The following KDM4C variants were observed in gnomAD, a reference collection of about 807,000 sequenced individuals.
The protein encoded by KDM4C is lysine demethylase 4C.
KDM4C carries 81 observed loss-of-function variants against 129.3 expected under a neutral mutation model. That is an observed-to-expected ratio of 0.63 (90% CI 0.52 to 0.75). KDM4C has a LOEUF of 0.75. Among genes scored for constraint, KDM4C ranks in the 30% least tolerant of loss-of-function variants. The pLI is 0.00. For synonymous variants in KDM4C, 573 were observed against 456.1 expected (o/e 1.26, Z -3.26); for missense variants, 1,457 against 1,304.0 (o/e 1.12, Z -1.81).
intron 8 of KDM4C, among the ~76,000 whole-genome samples, chr9:6,932,266 C>A (rs946923): frequency 6.6e-6 from 1 of 152,176 alleles, no homozygotes. Flanking sequence ...AGAGGGAGGA[C>A]TGTGTGTAGC....
upstream of KDM4C, chr9:6,757,620 G>A (rs912783224): frequency 1.3e-5 from 13 of 985,352 alleles, no homozygotes; most frequent in South Asian, 4.7e-5. Context: ...ACGCCACGCT[G>A]ACGTCCGCGC....
chr9:6,778,489 C>T (rs946418197), intron 1 of KDM4C, among the ~76,000 whole-genome samples: 5 of 151,078 alleles, frequency 3.3e-5, no homozygotes, highest in Admixed American at 2.0e-4. Flanking sequence ...TTCCAAGGCC[C>T]GGTGCGGTAG....
intron 4 of KDM4C, chr9:6,834,793 G>C (rs747252167): frequency 7.4e-6 from 10 of 1,343,390 alleles, no homozygotes; most frequent in Non-Finnish European, 1.1e-5. Context: ...TGAACCCCAA[G>C]GCCAGCCGCG....
chr9:6,919,247 T>TTTCTTTCTTTC lies in KDM4C; in HGVS notation c.921+26017_921+26018insCTTTCTTTCTT. Among the ~76,000 whole-genome samples the TTTCTTTCTTTC allele has an allele frequency of 5.4e-4, 57 of 106,362 alleles. 2 individuals carry two copies. The highest frequency in any genetic ancestry group is 1.6e-3 in the African/African-American group (43 of 27,002). 69.8% of individuals were successfully genotyped at this position (106,362 alleles called of 152,430 possible). On this transcript the variant is annotated intron_variant, in intron 8 of 21. Transcript: ENST00000381309. The stretch of plus-strand genomic sequence containing the variant: ...CCTTCTTTCTTTCTTTCTTTCTTTC[T>TTTCTTTCTTTC]TTTCTTTCTTTCTTTCTTTCTTTCT...
At chr9:7,012,562 T>C (rs982360888) in intron 13 of KDM4C, among the ~76,000 whole-genome samples, 11 of 152,282 alleles carry the variant, frequency 7.2e-5, no homozygotes, top group African/African-American at 2.6e-4. Context: ...CACCTTCCCA[T>C]GTGGAACATG....
chr9:6,862,955 T>C (rs1033889232), intron 5 of KDM4C, among the ~76,000 whole-genome samples: 1 of 152,244 alleles, frequency 6.6e-6, no homozygotes, highest in Non-Finnish European at 1.5e-5. Flanking sequence ...TAAGCCACTT[T>C]ATCTTATTCA....
At chr9:6,999,846 G>T (rs10122718) in intron 12 of KDM4C, among the ~76,000 whole-genome samples, 38,058 of 151,920 alleles carry the variant, frequency 0.25, 5,257 homozygotes, top group South Asian at 0.49. Flanking sequence ...TAAATGCTGT[G>T]TGATGGCTGC....
At chr9:7,121,974 T>C (rs764048790) in intron 18 of KDM4C, among the ~76,000 whole-genome samples, 2 of 152,174 alleles carry the variant, frequency 1.3e-5, no homozygotes, top group Admixed American at 6.6e-5. Context: ...GTTGGTTTTA[T>C]TTCCTTTTCT....
intron 1 of KDM4C, chr9:6,721,151 G>T: frequency 1.7e-6 from 1 of 580,994 alleles, no homozygotes; most frequent in Admixed American, 2.8e-5. Flanking sequence ...ACACCTCACT[G>T]CAGCCTCAAC....
At chr9:7,163,960 A>C (rs1367515256) in intron 19 of KDM4C, among the ~76,000 whole-genome samples, 1 of 152,202 alleles carries the variant, frequency 6.6e-6, no homozygotes, top group Non-Finnish European at 1.5e-5. Context: ...GTATACTCCT[A>C]ACCCAGCAAT....
intron 4 of KDM4C, 22 bp downstream of exon 4, chr9:6,814,767 G>GT (rs1461227513): frequency 5.0e-6 from 7 of 1,400,558 alleles, no homozygotes; most frequent in African/African-American, 2.8e-5. Context: ...TTTACAGTGA[G>GT]TTTTGTAAAG....
chr9:6,988,684 C>G (rs1818182163), intron 11 of KDM4C, among the ~76,000 whole-genome samples: 1 of 151,970 alleles, frequency 6.6e-6, no homozygotes, highest in South Asian at 2.1e-4. Context: ...ATCCATCCAT[C>G]CATCCATCCA....
chr9:7,147,801 C>T (rs979540600), intron 19 of KDM4C, among the ~76,000 whole-genome samples: 6 of 152,204 alleles, frequency 3.9e-5, no homozygotes, highest in African/African-American at 1.4e-4. Flanking sequence ...CACCAGTTAC[C>T]TTATCTGTAA....
At chr9:7,077,955 A>G (rs907196702) in intron 17 of KDM4C, among the ~76,000 whole-genome samples, 1 of 152,232 alleles carries the variant, frequency 6.6e-6, no homozygotes, top group Non-Finnish European at 1.5e-5. Context: ...TCCAGGTTCC[A>G]CATGTGAGGA....
At chr9:6,840,934 A>G (rs761869817) in intron 4 of KDM4C, among the ~76,000 whole-genome samples, 1 of 152,174 alleles carries the variant, frequency 6.6e-6, no homozygotes, top group African/African-American at 2.4e-5. Context: ...GGTGCTAGCT[A>G]TGTCAGCCCT....
At chr9:6,898,625 A>G (rs1262798570) in intron 8 of KDM4C, among the ~76,000 whole-genome samples, 2 of 152,204 alleles carry the variant, frequency 1.3e-5, no homozygotes, top group African/African-American at 4.8e-5. Flanking sequence ...TGTTTGAACA[A>G]GTTTAAAAAG....
chr9:6,991,607 G>C (rs1563945918), intron 12 of KDM4C, among the ~76,000 whole-genome samples: 4 of 152,156 alleles, frequency 2.6e-5, no homozygotes, highest in Admixed American at 2.6e-4. Flanking sequence ...TCATGTGTCT[G>C]TGAGAATACT....
intron 18 of KDM4C, among the ~76,000 whole-genome samples, chr9:7,110,879 C>G (rs1445090142): frequency 1.3e-5 from 2 of 152,156 alleles, no homozygotes; most frequent in African/African-American, 4.8e-5. Flanking sequence ...AACTATACTG[C>G]TTGCTTTCCC....
chr9:7,006,712 G>C (rs1243235923), intron 12 of KDM4C, among the ~76,000 whole-genome samples: 3 of 152,048 alleles, frequency 2.0e-5, no homozygotes, highest in African/African-American at 7.2e-5. Flanking sequence ...ATTTCTTTTT[G>C]AGGACTATTT....
Sources: allele counts gnomAD v4.1 joint callset (sites outside exome capture counted in the v4.1 genomes callset), GRCh38; gene constraint gnomAD v4.1.1; transcripts MANE v1.5; gene names NCBI Gene and HGNC (gene_info 2026-07-23, HGNC 2026-07-21).